The following FARS2 variants were observed in gnomAD, a reference collection of about 807,000 sequenced individuals.
FARS2 encodes phenylalanyl-tRNA synthetase 2, mitochondrial.
FARS2 carries 40 observed loss-of-function variants against 46.4 expected under a neutral mutation model. The observed-to-expected ratio is 0.86, with a 90% CI of 0.67 to 1.12. The LOEUF is 1.12. Among genes scored for constraint, FARS2 ranks in the 50% most tolerant of loss-of-function variants. FARS2 has a pLI of 0.00. For synonymous variants in FARS2, 234 were observed against 214.9 expected (o/e 1.09, Z -0.78); for missense variants, 513 against 567.9 (o/e 0.90, Z 0.98).
chr6:5,376,331 C>G (rs925293448), intron 2 of FARS2, among the ~76,000 whole-genome samples: 1 of 152,144 alleles, frequency 6.6e-6, no homozygotes, highest in African/African-American at 2.4e-5. Context: ...CAAATTAAAA[C>G]AACCAAATAT....
Position 5,308,070 on chromosome 6 carries a change from C to T in FARS2, c.-22+46410C>T, listed in dbSNP as rs59798625. ...TATGTTTATCAAATAAAATGGGCCA[C>T]GGATGTGAGAATTTTTTCACTTTTT... is the stretch of plus-strand genomic sequence containing the variant. On this transcript the variant is annotated intron_variant, in intron 1 of 6. Transcript: ENST00000274680. Among the ~76,000 whole-genome samples the T allele has an allele frequency of 4.4e-3, 665 of 152,020 alleles. 3 individuals are homozygous for T. The highest frequency in any genetic ancestry group is 0.015 in the African/African-American group (642 of 41,448).
chr6:5,318,994 C>G (rs1332012813), intron 1 of FARS2, among the ~76,000 whole-genome samples: 1 of 152,096 alleles, frequency 6.6e-6, no homozygotes, highest in African/African-American at 2.4e-5. Context: ...AGAAGTAACT[C>G]AAGGAGATGA....
intron 4 of FARS2, among the ~76,000 whole-genome samples, chr6:5,534,749 C>G (rs569663880): frequency 6.6e-6 from 1 of 152,034 alleles, no homozygotes; most frequent in African/African-American, 2.4e-5. Flanking sequence ...AGCTCCTTTA[C>G]TCAGTTCTTT....
intron 4 of FARS2, among the ~76,000 whole-genome samples, chr6:5,460,697 G>T (rs1258654189): frequency 6.6e-6 from 1 of 152,192 alleles, no homozygotes; most frequent in Non-Finnish European, 1.5e-5. Context: ...GCTGGTGACT[G>T]ACTGCTGGAG....
intron 5 of FARS2, among the ~76,000 whole-genome samples, chr6:5,592,417 C>G (rs1773969890): frequency 6.6e-6 from 1 of 151,008 alleles, no homozygotes; most frequent in African/African-American, 2.4e-5. Context: ...AAAAACAAAA[C>G]AACAACAACA....
intron 1 of FARS2, among the ~76,000 whole-genome samples, chr6:5,337,286 G>T (rs200204849): frequency 6.6e-6 from 1 of 151,886 alleles, no homozygotes; most frequent in Admixed American, 6.6e-5. Flanking sequence ...GGCTCTCATT[G>T]TCCTTTTTAA....
At chr6:5,447,622 C>T (rs542790299) in intron 4 of FARS2, among the ~76,000 whole-genome samples, 1 of 152,268 alleles carries the variant, frequency 6.6e-6, no homozygotes, top group East Asian at 1.9e-4. Context: ...ACTCATCATC[C>T]CTACCTTATC....
chr6:5,346,493 T>C (rs1320872510), intron 1 of FARS2, among the ~76,000 whole-genome samples: 2 of 152,170 alleles, frequency 1.3e-5, no homozygotes, highest in Non-Finnish European at 2.9e-5. Context: ...GAGGTATCCA[T>C]AGAGCCCCAT....
intron 6 of FARS2, among the ~76,000 whole-genome samples, chr6:5,739,332 A>T (rs1761166734): frequency 5.9e-5 from 1 of 17,092 alleles, no homozygotes; most frequent in African/African-American, 8.8e-4. Flanking sequence ...CCCCGTCTCT[A>T]AAAAAAAAAA....
intron 5 of FARS2, among the ~76,000 whole-genome samples, chr6:5,612,929 AAATAT>A (rs1261827037): frequency 2.0e-5 from 3 of 152,190 alleles, no homozygotes; most frequent in African/African-American, 7.2e-5. Flanking sequence ...ATGGCAATAT[AAATAT>A]AATATATGGT....
intron 1 of FARS2, among the ~76,000 whole-genome samples, chr6:5,336,856 A>G (rs1180307964): frequency 6.6e-6 from 1 of 152,134 alleles, no homozygotes; most frequent in Admixed American, 6.5e-5. Context: ...ATGTTTGTAA[A>G]CATCAGAAGT....
At chr6:5,306,240 A>G (rs1359141036) in intron 1 of FARS2, among the ~76,000 whole-genome samples, 1 of 152,174 alleles carries the variant, frequency 6.6e-6, no homozygotes, top group Non-Finnish European at 1.5e-5. Context: ...TCTGATGAGC[A>G]CATTTGGTTG....
rs556946698 is a variant in FARS2 at position 5,552,947 on chromosome 6, A to G, written c.1065+7607A>G. Among the ~76,000 whole-genome samples, 185 of 152,340 alleles carry G rather than the reference A, an allele frequency of 1.2e-3. 4 individuals carry two copies. The South Asian group carries it at 0.014, about 11-fold the overall frequency. ...ACTGAATATTCAATAATAAAACTTT[A>G]ATTTATACTTTGTTTTTTAAACAGT... On this transcript the variant is annotated intron_variant, in intron 5 of 6. Transcript: ENST00000274680.
chr6:5,729,505 C>G (rs1256651691), intron 6 of FARS2, among the ~76,000 whole-genome samples: 2 of 152,146 alleles, frequency 1.3e-5, no homozygotes, highest in African/African-American at 4.8e-5. Context: ...GGGAGCTTGT[C>G]CAGAAAAAGC....
intron 4 of FARS2, among the ~76,000 whole-genome samples, chr6:5,489,654 C>T (rs754560055): frequency 6.6e-6 from 1 of 152,108 alleles, no homozygotes; most frequent in South Asian, 2.1e-4. Flanking sequence ...TACTTCAGTT[C>T]TGGGCTTTAT....
intron 4 of FARS2, among the ~76,000 whole-genome samples, chr6:5,524,287 G>A (rs1253080824): frequency 2.0e-5 from 3 of 152,248 alleles, no homozygotes; most frequent in Non-Finnish European, 4.4e-5. Flanking sequence ...AAGGGCATAT[G>A]TGGGAAAGAG....
chr6:5,638,548 G>A lies in FARS2; in HGVS notation c.1217+25228G>A, dbSNP rs186572812. ...CCACTGCACTCCAGCCTGCCTGACA[G>A]AGCGAGACTCTGTCTCAAAAAACAA... is the stretch of plus-strand genomic sequence containing the variant. On this transcript the variant is annotated intron_variant, in intron 6 of 6. Coordinates refer to ENST00000274680, the MANE Select transcript of FARS2 (RefSeq NM_006567.5). Among the ~76,000 whole-genome samples, 667 of 152,324 alleles carry A rather than the reference G, an allele frequency of 4.4e-3. 2 individuals carry two copies. Among genetic ancestry groups the A allele is most frequent in the Non-Finnish European group, 7.2e-3 (489 of 68,030 alleles).
intron 6 of FARS2, among the ~76,000 whole-genome samples, chr6:5,711,001 G>A (rs1407252289): frequency 6.6e-6 from 1 of 152,164 alleles, no homozygotes; most frequent in Non-Finnish European, 1.5e-5. Context: ...AGTCTTCTTG[G>A]AGAAGTGATT....
At chr6:5,306,793 A>G (rs1300141420) in intron 1 of FARS2, among the ~76,000 whole-genome samples, 1 of 152,210 alleles carries the variant, frequency 6.6e-6, no homozygotes, top group Non-Finnish European at 1.5e-5. Context: ...AACAAGTCAC[A>G]TGGTAAAAAG....
Sources: gnomAD v4.1 joint callset for allele counts (sites outside exome capture counted in the v4.1 genomes callset) on GRCh38, gnomAD v4.1.1 for gene constraint, MANE v1.5 for transcripts, NCBI Gene and HGNC (gene_info 2026-07-23, HGNC 2026-07-21) for gene names.